GALNT14: variants seen among roughly 807,000 people sequenced by gnomAD.
GALNT14 encodes the protein polypeptide N-acetylgalactosaminyltransferase 14, also known as UDP-GalNAc:polypeptide N-acetylgalactosaminyltransferase 14.
Under a neutral mutation model 77.5 loss-of-function variants are expected in GALNT14, and 60 were observed. The ratio of observed to expected loss-of-function variants is 0.77; its 90% CI spans 0.63 to 0.96. GALNT14 has a LOEUF of 0.96. Among genes scored for constraint, GALNT14 ranks in the 40% least tolerant of loss-of-function variants. The pLI is 0.00. For synonymous variants in GALNT14, 280 were observed against 281.7 expected, an observed-to-expected ratio of 0.99 and a Z score of 0.06; for missense variants, 710 against 731.0, an observed-to-expected ratio of 0.97 and a Z score of 0.33.
chr2:31,000,094 G>A (rs1293360672), intron 1 of GALNT14, among the ~76,000 whole-genome samples: 3 of 152,144 alleles, frequency 2.0e-5, no homozygotes, highest in Admixed American at 6.5e-5. Flanking sequence ...TCCCTAGGTA[G>A]TAAGCACACA....
Position 31,079,201 on chromosome 2 carries a change from A to C in GALNT14, c.129+58757T>G, listed in dbSNP as rs1486978962. On this transcript the variant is annotated intron_variant, in intron 1 of 14. Transcript: ENST00000349752. ...CAGTGTGGAAGTTGGCTGGACAAGA[A>C]GGATTCTCCTCCTATTAGGAAGCCA... 1.4e-5 allele frequency: 6 copies of C among 440,424 alleles called. No homozygotes were observed. The East Asian group carries it at 4.6e-4, about 34-fold the overall frequency. The allele number at this position is 440,424 out of a possible 1,614,324, so 27.3% of individuals were successfully genotyped here. A position where few individuals can be genotyped will look rare whatever the true frequency, so the allele number is the denominator to read the frequency against.
At chr2:31,040,788 ATTTGATT>A (rs1407877549) in intron 1 of GALNT14, among the ~76,000 whole-genome samples, 1 of 152,204 alleles carries the variant, frequency 6.6e-6, no homozygotes, top group Non-Finnish European at 1.5e-5. Flanking sequence ...GCACTGACTA[ATTTGATT>A]TAGAGAAATA....
Position 30,994,102 on chromosome 2 carries a change from CTG to C in GALNT14, c.130-1097_130-1096del, listed in dbSNP as rs200244922. Among the ~76,000 whole-genome samples, 886 of 152,324 alleles carry C rather than the reference CTG, an allele frequency of 5.8e-3. 9 individuals carry two copies. Among genetic ancestry groups the C allele is most frequent in the Middle Eastern group, 0.024 (7 of 294 alleles). On this transcript the variant is annotated intron_variant, in intron 1 of 14. Coordinates refer to ENST00000349752, the MANE Select transcript of GALNT14 (RefSeq NM_024572.4). ...TTTCAAGTTCATAAAACATAAGACT[CTG>C]TGTTTCCAGGAAGAAAGTGCTGATC...
At chr2:30,990,918 C>T (rs796615816) in intron 2 of GALNT14, among the ~76,000 whole-genome samples, 8 of 152,282 alleles carry the variant, frequency 5.3e-5, no homozygotes, top group African/African-American at 1.9e-4. Context: ...GTAATCCCAG[C>T]AGATCACACT....
At chr2:31,048,926 T>A (rs12712308) in intron 1 of GALNT14, among the ~76,000 whole-genome samples, 1 of 151,998 alleles carries the variant, frequency 6.6e-6, no homozygotes, top group South Asian at 2.1e-4. Context: ...TTCCCACAGG[T>A]GCCCGTCACT....
chr2:31,077,171 G>T (rs1162645788), intron 1 of GALNT14, among the ~76,000 whole-genome samples: 1 of 152,190 alleles, frequency 6.6e-6, no homozygotes, highest in East Asian at 1.9e-4. Flanking sequence ...CCACTTTACA[G>T]ATAAGTAAAA....
At chr2:31,097,814 T>C (rs1677076534) in intron 1 of GALNT14, among the ~76,000 whole-genome samples, 1 of 152,096 alleles carries the variant, frequency 6.6e-6, no homozygotes, top group African/African-American at 2.4e-5. Flanking sequence ...GACTTTTGTG[T>C]CATGGGAAAT....
In GALNT14 at chr2:30,968,486, A is replaced by G. The variant is rs151111470; in HGVS notation, c.300-2184T>C. 5.2e-3 allele frequency among the ~76,000 whole-genome samples: 791 copies of G among 152,326 alleles called. 18 individuals are homozygous for G. Among genetic ancestry groups the G allele is most frequent in the South Asian group, 0.051 (247 of 4,830 alleles). On this transcript the variant is annotated intron_variant, in intron 2 of 14. Coordinates refer to ENST00000349752, the MANE Select transcript of GALNT14 (RefSeq NM_024572.4). Reference sequence around the variant, plus strand: ...GCCACTTGGAGGGAAGCCAGCTGCCATGCTGTGGGGACACTCGAGCAGCCC... The same window carrying G: ...GCCACTTGGAGGGAAGCCAGCTGCCGTGCTGTGGGGACACTCGAGCAGCCC...
chr2:31,006,473 C>T (rs769043423), intron 1 of GALNT14, among the ~76,000 whole-genome samples: 6 of 152,038 alleles, frequency 3.9e-5, no homozygotes, highest in Admixed American at 1.3e-4. Flanking sequence ...AAGAGGAAAC[C>T]GAGTTTCATG....
the GALNT14 span, among the ~76,000 whole-genome samples, chr2:30,889,147 T>C: frequency 6.6e-6 from 1 of 152,144 alleles, no homozygotes; most frequent in Non-Finnish European, 1.5e-5. Context: ...CCGGATTTAT[T>C]ATCTGTCTAG....
At chr2:31,125,408 A>G (rs1032876153) in intron 1 of GALNT14, among the ~76,000 whole-genome samples, 2 of 152,216 alleles carry the variant, frequency 1.3e-5, no homozygotes, top group Non-Finnish European at 2.9e-5. Flanking sequence ...CTTCCCTGAG[A>G]AAACAGACTA....
chr2:31,122,117 G>C (rs922808622), intron 1 of GALNT14, among the ~76,000 whole-genome samples: 3 of 152,198 alleles, frequency 2.0e-5, no homozygotes, highest in Non-Finnish European at 4.4e-5. Flanking sequence ...GAGAGTGGTG[G>C]GTGTCCCAGA....
intron 1 of GALNT14, among the ~76,000 whole-genome samples, chr2:31,063,025 CTG>C (rs1198447164): frequency 2.0e-5 from 3 of 152,128 alleles, no homozygotes; most frequent in African/African-American, 7.2e-5. Flanking sequence ...TCTGTTCACT[CTG>C]ATGATAGTTT....
At chr2:30,959,302 C>T (rs1667550086) in intron 3 of GALNT14, among the ~76,000 whole-genome samples, 1 of 152,202 alleles carries the variant, frequency 6.6e-6, no homozygotes. Context: ...CCTCACCCGC[C>T]TGTGGTCCCC....
At chr2:30,973,891 C>A (rs566454449) in intron 2 of GALNT14, among the ~76,000 whole-genome samples, 1 of 152,290 alleles carries the variant, frequency 6.6e-6, no homozygotes, top group Admixed American at 6.5e-5. Flanking sequence ...ATTATATCAC[C>A]ACCTTTGAAG....
chr2:30,923,633 G>T (rs1050546305), intron 13 of GALNT14, among the ~76,000 whole-genome samples: 1 of 152,056 alleles, frequency 6.6e-6, no homozygotes, highest in Non-Finnish European at 1.5e-5. Context: ...GACAGAGAGG[G>T]TTTTACCAAA....
chr2:30,964,893 G>A (rs111397288), intron 3 of GALNT14, among the ~76,000 whole-genome samples: 44 of 152,256 alleles, frequency 2.9e-4, no homozygotes, highest in Non-Finnish European at 4.6e-4. Context: ...ATGCGGCGGC[G>A]GGAGAGACAG....
the GALNT14 span, among the ~76,000 whole-genome samples, chr2:30,900,969 T>A: frequency 6.6e-6 from 1 of 152,082 alleles, no homozygotes. Context: ...AGGACTAAAA[T>A]TTTGGGTAGA....
intron 2 of GALNT14, among the ~76,000 whole-genome samples, chr2:30,985,172 G>GAA (rs1337261398): frequency 1.3e-5 from 2 of 152,086 alleles, no homozygotes; most frequent in Non-Finnish European, 2.9e-5. Flanking sequence ...ATGAATGAAT[G>GAA]AAATGTACAA....
Sources: allele counts gnomAD v4.1 joint callset (sites outside exome capture counted in the v4.1 genomes callset), GRCh38; gene constraint gnomAD v4.1.1; transcripts MANE v1.5; gene names NCBI Gene and HGNC (gene_info 2026-07-23, HGNC 2026-07-21).